Variants in CNTNAP2 observed in about 807,000 individuals in gnomAD.
The protein encoded by CNTNAP2 is contactin-associated protein-like 2.
In CNTNAP2, 98 loss-of-function variants were observed where a neutral mutation model predicts 155.2. The observed-to-expected ratio is 0.63, with a 90% CI of 0.54 to 0.75. The LOEUF is 0.75. Among genes scored for constraint, CNTNAP2 ranks in the 30% least tolerant of loss-of-function variants. The probability of loss-of-function intolerance (pLI) is 0.00; values close to 1 mark genes in which losing one functional copy is unlikely to be tolerated. For missense variants in CNTNAP2, 1,727 were observed against 1,688.1 expected (o/e 1.02, Z -0.40); for synonymous variants, 651 against 631.2 (o/e 1.03, Z -0.47).
chr7:146,595,547 ACAATTTCTCATAGCCTCTGG>A (rs1300189190), intron 1 of CNTNAP2, among the ~76,000 whole-genome samples: 1 of 152,068 alleles, frequency 6.6e-6, no homozygotes, highest in Non-Finnish European at 1.5e-5. Flanking sequence ...AATATCTTAT[ACAATTTCTCATAGCCTCTGG>A]CAGGAGCAAT....
intron 9 of CNTNAP2, among the ~76,000 whole-genome samples, chr7:147,372,797 G>A (rs1796368658): frequency 6.6e-6 from 1 of 151,944 alleles, no homozygotes; most frequent in Non-Finnish European, 1.5e-5. Context: ...GAACACTTGA[G>A]TCAATTAGCC....
chr7:148,164,611 CTTTTTTTTTTTTTTT>C (rs1175888434), intron 17 of CNTNAP2, among the ~76,000 whole-genome samples: 4 of 93,488 alleles, frequency 4.3e-5, no homozygotes, highest in Non-Finnish European at 5.8e-5. Flanking sequence ...TTTTCTCTCT[CTTTTTTTTTTTTTTT>C]TTTTTTTTTT....
At chr7:148,341,578 C>G (rs1340984362) in intron 21 of CNTNAP2, among the ~76,000 whole-genome samples, 1 of 152,076 alleles carries the variant, frequency 6.6e-6, no homozygotes, top group Non-Finnish European at 1.5e-5. Flanking sequence ...AGTTACTAGC[C>G]CAATGTCACT....
chr7:147,700,714 C>T (rs1340150639), intron 13 of CNTNAP2, among the ~76,000 whole-genome samples: 1 of 152,168 alleles, frequency 6.6e-6, no homozygotes, highest in Non-Finnish European at 1.5e-5. Flanking sequence ...GAAGAAAGTG[C>T]CAGCCTCCAA....
intron 3 of CNTNAP2, among the ~76,000 whole-genome samples, chr7:146,969,678 C>T (rs1797739654): frequency 6.6e-6 from 1 of 151,980 alleles, no homozygotes; most frequent in Non-Finnish European, 1.5e-5. Flanking sequence ...GATCTTCCTC[C>T]ATCCTTTTAT....
chr7:147,432,785 A>G (rs937996861), intron 10 of CNTNAP2, among the ~76,000 whole-genome samples: 2 of 152,078 alleles, frequency 1.3e-5, no homozygotes, highest in Non-Finnish European at 2.9e-5. Flanking sequence ...CATCCTGCAA[A>G]CACAGCCCAG....
chr7:147,787,904 G>T (rs1260417593), intron 13 of CNTNAP2, among the ~76,000 whole-genome samples: 1 of 152,136 alleles, frequency 6.6e-6, no homozygotes, highest in East Asian at 1.9e-4. Flanking sequence ...ATAAGATTTT[G>T]TACTCCTCCC....
chr7:146,773,682 C>T (rs759506011), intron 1 of CNTNAP2, among the ~76,000 whole-genome samples: 25 of 152,228 alleles, frequency 1.6e-4, no homozygotes, highest in Non-Finnish European at 3.2e-4. Context: ...GCATGAGTCA[C>T]CACTCCCAGC....
At chr7:147,998,181 C>G (rs563270573) in intron 15 of CNTNAP2, among the ~76,000 whole-genome samples, 1 of 148,610 alleles carries the variant, frequency 6.7e-6, no homozygotes, top group Non-Finnish European at 1.5e-5. Context: ...GCACAAACTC[C>G]GCTCCCTGCA....
intron 11 of CNTNAP2, among the ~76,000 whole-genome samples, chr7:147,487,703 CAA>C (rs5888261): frequency 4.1e-5 from 6 of 147,228 alleles, no homozygotes; most frequent in South Asian, 2.1e-4. Context: ...AGCAAAAAGG[CAA>C]AAAAAAAAAT....
At chr7:147,209,649 C>T (rs1584794412) in intron 8 of CNTNAP2, among the ~76,000 whole-genome samples, 1 of 151,998 alleles carries the variant, frequency 6.6e-6, no homozygotes, top group Non-Finnish European at 1.5e-5. Context: ...AAGTGGGCAT[C>T]CTCTGCTTGT....
intron 3 of CNTNAP2, among the ~76,000 whole-genome samples, chr7:146,882,707 A>T (rs571683226): frequency 6.6e-6 from 1 of 152,250 alleles, no homozygotes; most frequent in East Asian, 1.9e-4. Flanking sequence ...CAGTAATGGG[A>T]TTGCTGAGCT....
At chr7:148,133,023 G>A (rs968484709) in intron 16 of CNTNAP2, among the ~76,000 whole-genome samples, 5 of 151,810 alleles carry the variant, frequency 3.3e-5, no homozygotes, top group African/African-American at 1.2e-4. Context: ...ACATCCTCTT[G>A]TCCATTTTTT....
intron 8 of CNTNAP2, among the ~76,000 whole-genome samples, chr7:147,141,176 G>A (rs1311189026): frequency 6.6e-6 from 1 of 152,038 alleles, no homozygotes; most frequent in African/African-American, 2.4e-5. Flanking sequence ...TCAAAACTTT[G>A]AGAAAAATCA....
At chr7:147,835,067 C>T (rs896039141) in intron 13 of CNTNAP2, among the ~76,000 whole-genome samples, 3 of 152,094 alleles carry the variant, frequency 2.0e-5, no homozygotes, top group Non-Finnish European at 4.4e-5. Context: ...AGAATTGCCC[C>T]GGCTACCAAA....
At chr7:146,993,337 G>C (rs964241655) in intron 3 of CNTNAP2, among the ~76,000 whole-genome samples, 1 of 152,100 alleles carries the variant, frequency 6.6e-6, no homozygotes, top group African/African-American at 2.4e-5. Context: ...TACTGGACTT[G>C]TATGCGTGCT....
intron 1 of CNTNAP2, among the ~76,000 whole-genome samples, chr7:146,439,369 A>G (rs1005867753): frequency 4.6e-5 from 7 of 151,448 alleles, no homozygotes; most frequent in Non-Finnish European, 1.0e-4. Context: ...TTTATTTCTC[A>G]TACTGCTTTT....
intron 9 of CNTNAP2, among the ~76,000 whole-genome samples, chr7:147,378,377 A>G (rs1796476608): frequency 6.6e-6 from 1 of 152,030 alleles, no homozygotes; most frequent in South Asian, 2.1e-4. Flanking sequence ...TGGGGTATCC[A>G]TCACCTAAAG....
At chr7:146,597,475 C>G (rs896122653) in intron 1 of CNTNAP2, among the ~76,000 whole-genome samples, 1 of 151,990 alleles carries the variant, frequency 6.6e-6, no homozygotes, top group Non-Finnish European at 1.5e-5. Context: ...GACACGCACA[C>G]ACATACACAG....
Sources: gnomAD v4.1 joint callset for allele counts (sites outside exome capture counted in the v4.1 genomes callset) on GRCh38, gnomAD v4.1.1 for gene constraint, MANE v1.5 for transcripts, NCBI Gene and HGNC (gene_info 2026-07-23, HGNC 2026-07-21) for gene names.